Variants in STARD3NL observed in about 807,000 individuals in gnomAD.
The protein encoded by STARD3NL is STARD3 N-terminal like, also known as STARD3 N-terminal-like protein.
STARD3NL carries 17 observed loss-of-function variants against 30.9 expected under a neutral mutation model. That is an observed-to-expected ratio of 0.55 (90% CI 0.38 to 0.82). The LOEUF is 0.82. Ranked by LOEUF, STARD3NL falls within the 40% of genes least tolerant of loss-of-function variation. The pLI is 0.00. For missense variants in STARD3NL, 234 were observed against 277.6 expected, an observed-to-expected ratio of 0.84 and a Z score of 1.12; for synonymous variants, 112 against 100.5, an observed-to-expected ratio of 1.11 and a Z score of -0.69.
intron 2 of STARD3NL, among the ~76,000 whole-genome samples, chr7:38,208,940 T>A (rs1785640507): frequency 6.6e-6 from 1 of 152,248 alleles, no homozygotes; most frequent in Non-Finnish European, 1.5e-5. Flanking sequence ...TGAATCTCAT[T>A]TAATTTCATC....
intron 1 of STARD3NL, among the ~76,000 whole-genome samples, chr7:38,180,208 C>A (rs184685651): frequency 3.3e-4 from 50 of 152,292 alleles, no homozygotes; most frequent in Admixed American, 2.1e-3. Context: ...TATATTTTTT[C>A]TCCAGAGGCC....
Position 38,228,787 on chromosome 7 carries a change from T to A in STARD3NL, c.650-12T>A. On this transcript the variant is annotated splice_polypyrimidine_tract_variant and intron_variant, in intron 7 of 8. Transcript: ENST00000009041. ...GAAATACTTTTTCTTTGTCCCCTTC[T>A]CCACCACGTAGGATCTGAAGAAGCT... is the stretch of plus-strand genomic sequence containing the variant. 1 of 1,609,856 alleles carries A rather than the reference T, an allele frequency of 6.2e-7. No homozygotes were observed. Among genetic ancestry groups the A allele is most frequent in the Non-Finnish European group, 8.5e-7 (1 of 1,177,440 alleles).
chr7:38,184,202 C>A (rs1269150401), intron 1 of STARD3NL, among the ~76,000 whole-genome samples: 1 of 152,112 alleles, frequency 6.6e-6, no homozygotes, highest in Non-Finnish European at 1.5e-5. Context: ...CTACCTTGAA[C>A]AATTAATAGG....
rs749969090 is a variant in STARD3NL at position 38,207,696 on chromosome 7, A to G, written c.192A>G (p.Leu64=). The change falls in exon 2 of 9, where the codon TTA becomes TTG. Residue 64 remains leucine (L), a synonymous_variant. Coordinates refer to ENST00000009041, the MANE Select transcript of STARD3NL (RefSeq NM_032016.4). ...TFCLFVTFDL[L]FVTLLWIIEL... ...GTTTGTTTGTCACCTTTGACCTCTT[A>G]TTCGTAACATTACTGTGGATAATAG... The G allele has an allele frequency of 6.2e-7, 1 of 1,614,054 alleles. No individual in the cohort carries two copies. The highest frequency in any genetic ancestry group is 1.1e-5 in the South Asian group (1 of 91,088).
At chr7:38,202,656 G>A (rs888195252) in intron 1 of STARD3NL, among the ~76,000 whole-genome samples, 4 of 151,680 alleles carry the variant, frequency 2.6e-5, no homozygotes, top group Non-Finnish European at 4.4e-5. Context: ...CATGTGCCAT[G>A]TTGGTGTGCT....
At chr7:38,203,354 C>T (rs1785279957) in intron 1 of STARD3NL, among the ~76,000 whole-genome samples, 1 of 152,098 alleles carries the variant, frequency 6.6e-6, no homozygotes, top group Non-Finnish European at 1.5e-5. Context: ...ATTTTCAACC[C>T]AGAATTTCAT....
chr7:38,226,169 T>G (rs1400146335), intron 7 of STARD3NL, among the ~76,000 whole-genome samples: 3 of 151,048 alleles, frequency 2.0e-5, no homozygotes, highest in Non-Finnish European at 4.4e-5. Flanking sequence ...TTTTTTTTTT[T>G]TTTTTGATGA....
intron 1 of STARD3NL, among the ~76,000 whole-genome samples, chr7:38,201,544 A>G (rs10234310): frequency 0.23 from 34,343 of 152,072 alleles, 3,916 homozygotes; most frequent in Middle Eastern, 0.26. Flanking sequence ...TTCTGTACAT[A>G]TTAGTGAATT....
Position 38,226,183 on chromosome 7 carries a change from G to C in STARD3NL, c.650-2616G>C, listed in dbSNP as rs191374658. 4.1e-3 allele frequency among the ~76,000 whole-genome samples: 456 copies of C among 110,774 alleles called. 9 individuals carry two copies. The highest frequency in any genetic ancestry group is 0.04 in the Admixed American group (412 of 10,328). The allele number at this position is 110,774 out of a possible 152,430, so 72.7% of individuals were successfully genotyped here. A position where few individuals can be genotyped will look rare whatever the true frequency, so the allele number is the denominator to read the frequency against. ...TTTTTTTTTTTTTTTTTGATGAAAAGTATTTTGCTGAAAATAAAGTAACTC... is the reference window on the plus strand; with the variant it reads ...TTTTTTTTTTTTTTTTTGATGAAAACTATTTTGCTGAAAATAAAGTAACTC... On this transcript the variant is annotated intron_variant, in intron 7 of 8. Coordinates refer to ENST00000009041, the MANE Select transcript of STARD3NL (RefSeq NM_032016.4).
At chr7:38,198,732 G>A (rs1785039695) in intron 1 of STARD3NL, among the ~76,000 whole-genome samples, 1 of 152,192 alleles carries the variant, frequency 6.6e-6, no homozygotes, top group Admixed American at 6.5e-5. Flanking sequence ...TCCTAGGAAG[G>A]CTGAGAGATT....
intron 1 of STARD3NL, among the ~76,000 whole-genome samples, chr7:38,206,882 A>G (rs1397137928): frequency 2.6e-5 from 4 of 152,124 alleles, no homozygotes; most frequent in South Asian, 2.1e-4. Flanking sequence ...CGATCCTCCT[A>G]TGCAGCTCCT....
intron 2 of STARD3NL, among the ~76,000 whole-genome samples, chr7:38,210,160 T>C (rs1250858547): frequency 6.6e-6 from 1 of 152,242 alleles, no homozygotes; most frequent in Admixed American, 6.5e-5. Flanking sequence ...TTTTTAAACA[T>C]GTCTTTACAT....
At chr7:38,199,596 C>G (rs1347377471) in intron 1 of STARD3NL, among the ~76,000 whole-genome samples, 1 of 152,118 alleles carries the variant, frequency 6.6e-6, no homozygotes, top group African/African-American at 2.4e-5. Flanking sequence ...CTTAGGGGAG[C>G]TTGGGGGAAA....
chr7:38,219,319 T>C (rs1583824529), intron 6 of STARD3NL, among the ~76,000 whole-genome samples: 1 of 152,230 alleles, frequency 6.6e-6, no homozygotes, highest in Non-Finnish European at 1.5e-5. Flanking sequence ...AGTGCTATGA[T>C]GACAGGTGTG....
chr7:38,204,665 A>G (rs183106502), intron 1 of STARD3NL, among the ~76,000 whole-genome samples: 44 of 152,338 alleles, frequency 2.9e-4, no homozygotes, highest in African/African-American at 8.9e-4. Context: ...TAGAGACACA[A>G]AAAACCCTTC....
intron 1 of STARD3NL, among the ~76,000 whole-genome samples, chr7:38,182,337 A>G (rs567877707): frequency 4.7e-4 from 71 of 152,330 alleles, no homozygotes; most frequent in African/African-American, 1.6e-3. Flanking sequence ...TCTTTGGGCT[A>G]TAAATGTTGA....
Position 38,178,306 on chromosome 7 carries a change from C to T in STARD3NL, c.-173C>T, listed in dbSNP as rs1784095928. The T allele has an allele frequency of 6.6e-6, 1 of 152,170 alleles. No individual in the cohort carries two copies. The highest frequency in any genetic ancestry group is 1.5e-5 in the Non-Finnish European group (1 of 68,076). The allele number at this position is 152,170 out of a possible 1,614,324, so 9.4% of individuals were successfully genotyped here. On this transcript the variant is annotated 5_prime_UTR_variant, in exon 1 of 9. Transcript: ENST00000009041. ...CGGGCGGTGGGCTGCGCGTTGTCCG[C>T]TGGACTGGGTCCCGGTCACGCCCCG...
At chr7:38,214,925 C>T (rs1786012812) in intron 3 of STARD3NL, 103 bp from the exon 4 acceptor site, 2 of 1,029,140 alleles carry the variant, frequency 1.9e-6, no homozygotes, top group Non-Finnish European at 2.9e-6. Context: ...CTGGTAGTCT[C>T]CAGCTAAATC....
chr7:38,207,855 C>T, intron 2 of STARD3NL, 126 bp downstream of exon 2: 2 of 863,852 alleles, frequency 2.3e-6, no homozygotes, highest in Non-Finnish European at 3.5e-6. Flanking sequence ...GAAGCCATTG[C>T]TTTTCTCCTC....
Sources: allele counts gnomAD v4.1 joint callset (sites outside exome capture counted in the v4.1 genomes callset), GRCh38; gene constraint gnomAD v4.1.1; transcripts MANE v1.5; gene names NCBI Gene and HGNC (gene_info 2026-07-23, HGNC 2026-07-21).